The following C12orf56 variants were observed in gnomAD, a reference collection of about 807,000 sequenced individuals.
The protein encoded by C12orf56 is uncharacterized protein C12orf56.
Under a neutral mutation model 69.9 loss-of-function variants are expected in C12orf56, and 71 were observed. The observed-to-expected ratio is 1.02, with a 90% CI of 0.84 to 1.24. The LOEUF is 1.24. Ranked by LOEUF, C12orf56 falls within the 50% of genes most tolerant of loss-of-function variation. The pLI is 0.00. For missense variants in C12orf56, 732 were observed against 738.5 expected (o/e 0.99, Z 0.10); for synonymous variants, 276 against 274.1 (o/e 1.01, Z -0.07).
chr12:64,326,799 T>C (rs1202734348), intron 3 of C12orf56, among the ~76,000 whole-genome samples: 1 of 151,214 alleles, frequency 6.6e-6, no homozygotes, highest in East Asian at 1.9e-4. Context: ...AACCCAAACA[T>C]AAAATTTAGA....
At chr12:64,335,432 A>T (rs1248229574) in intron 2 of C12orf56, among the ~76,000 whole-genome samples, 1 of 151,838 alleles carries the variant, frequency 6.6e-6, no homozygotes, top group Non-Finnish European at 1.5e-5. Context: ...AAAAAAAAAA[A>T]AAAAAAAGAG....
chr12:64,370,607 T>C (rs7302255), intron 1 of C12orf56, among the ~76,000 whole-genome samples: 7,098 of 151,476 alleles, frequency 0.047, 554 homozygotes, highest in African/African-American at 0.16. Flanking sequence ...GCTGAAATTG[T>C]GCCACTGCAT....
chr12:64,308,264 G>A (rs1189077170), intron 5 of C12orf56, among the ~76,000 whole-genome samples: 1 of 152,194 alleles, frequency 6.6e-6, no homozygotes, highest in Non-Finnish European at 1.5e-5. Flanking sequence ...GGAAATTGCA[G>A]TGAGCCAAGA....
intron 1 of C12orf56, among the ~76,000 whole-genome samples, chr12:64,353,832 C>T (rs1376363895): frequency 6.6e-6 from 1 of 152,056 alleles, no homozygotes; most frequent in Admixed American, 6.6e-5. Context: ...CAGGCACCTG[C>T]GATCACGCCC....
chr12:64,361,990 C>G (rs1187998571), intron 1 of C12orf56, among the ~76,000 whole-genome samples: 2 of 152,170 alleles, frequency 1.3e-5, no homozygotes, highest in Non-Finnish European at 2.9e-5. Flanking sequence ...CCTCGGCGTC[C>G]CAAGTGCTGG....
intron 4 of C12orf56, among the ~76,000 whole-genome samples, chr12:64,314,495 T>C (rs2038664410): frequency 6.6e-6 from 1 of 152,230 alleles, no homozygotes; most frequent in Non-Finnish European, 1.5e-5. Context: ...CTTAAACCTT[T>C]AGTGTTGCCA....
At chr12:64,274,245 G>C (rs540522234) in intron 11 of C12orf56, among the ~76,000 whole-genome samples, 14 of 152,320 alleles carry the variant, frequency 9.2e-5, no homozygotes, top group Middle Eastern at 3.4e-3. Context: ...CTGCAGGGAG[G>C]GGGGTGGTGG....
At chr12:64,388,023 G>A (rs1468809234) in intron 1 of C12orf56, among the ~76,000 whole-genome samples, 3 of 151,744 alleles carry the variant, frequency 2.0e-5, no homozygotes, top group African/African-American at 7.3e-5. Flanking sequence ...AGTCTGGAGT[G>A]CAACGGCGCC....
intron 4 of C12orf56, among the ~76,000 whole-genome samples, chr12:64,313,357 TC>T (rs1470228431): frequency 6.6e-6 from 1 of 151,584 alleles, no homozygotes; most frequent in African/African-American, 2.4e-5. Flanking sequence ...TCTCTGTTTT[TC>T]CCTACCCCTT....
At position 64,285,935 on chromosome 12, in the gene C12orf56, T is replaced by C. The variant is rs201766607; in HGVS notation, c.1220+19A>G. 2 of 1,493,624 alleles carry C rather than the reference T, an allele frequency of 1.3e-6. No individual in the cohort carries two copies. The highest frequency in any genetic ancestry group is 2.8e-5 in the African/African-American group (2 of 70,666). 92.5% of individuals were successfully genotyped at this position (1,493,624 alleles called of 1,614,324 possible). A position where few individuals can be genotyped will look rare whatever the true frequency, so the allele number is the denominator to read the frequency against. On this transcript the variant is annotated intron_variant, in intron 7 of 12. Coordinates refer to ENST00000543942, the MANE Select transcript of C12orf56 (RefSeq NM_001170633.2). ...CTAGCAAAAAAAAAAAAATCGATGA[T>C]TATCTAGTTAGTACTTACACCAGCT...
intron 1 of C12orf56, among the ~76,000 whole-genome samples, chr12:64,389,727 C>G (rs1160709595): frequency 2.0e-5 from 3 of 152,178 alleles, no homozygotes; most frequent in Non-Finnish European, 4.4e-5. Flanking sequence ...GAACCCCTGA[C>G]CCCCGGTGAT....
At chr12:64,281,442 C>A (rs1426733292) in intron 8 of C12orf56, among the ~76,000 whole-genome samples, 1 of 151,932 alleles carries the variant, frequency 6.6e-6, no homozygotes, top group Non-Finnish European at 1.5e-5. Flanking sequence ...CGTGGTGGCA[C>A]ACACCTGTAT....
At chr12:64,286,265 G>T (rs1400017886) in intron 6 of C12orf56, among the ~76,000 whole-genome samples, 1 of 152,196 alleles carries the variant, frequency 6.6e-6, no homozygotes, top group Non-Finnish European at 1.5e-5. Context: ...GGTGACCAGA[G>T]CAAGGGCTAG....
chr12:64,272,033 TG>T (rs1385343272), intron 11 of C12orf56, among the ~76,000 whole-genome samples: 1 of 152,160 alleles, frequency 6.6e-6, no homozygotes, highest in African/African-American at 2.4e-5. Context: ...CCAATTCCTT[TG>T]GTGAACCAAC....
intron 1 of C12orf56, among the ~76,000 whole-genome samples, chr12:64,371,145 T>C (rs543100757): frequency 1.3e-5 from 2 of 152,328 alleles, no homozygotes; most frequent in East Asian, 3.9e-4. Flanking sequence ...CTCACAACTG[T>C]AATCCGAGCA....
intron 3 of C12orf56, among the ~76,000 whole-genome samples, chr12:64,322,958 C>T (rs1024255854): frequency 1.3e-5 from 2 of 152,244 alleles, no homozygotes; most frequent in East Asian, 1.9e-4. Context: ...CCTGATTTGT[C>T]GGCTGTGGTG....
At chr12:64,330,261 A>G (rs182824342) in intron 3 of C12orf56, among the ~76,000 whole-genome samples, 1 of 152,332 alleles carries the variant, frequency 6.6e-6, no homozygotes, top group Non-Finnish European at 1.5e-5. Context: ...AATGAAATGT[A>G]AAGTCTTCAT....
intron 1 of C12orf56, among the ~76,000 whole-genome samples, chr12:64,359,821 C>G (rs2039374684): frequency 1.3e-5 from 2 of 152,106 alleles, no homozygotes; most frequent in African/African-American, 4.8e-5. Flanking sequence ...TCAAGCAATT[C>G]TCCCTGCCTC....
intron 1 of C12orf56, among the ~76,000 whole-genome samples, chr12:64,366,931 T>A (rs1265651313): frequency 7.9e-6 from 1 of 127,194 alleles, no homozygotes; most frequent in African/African-American, 3.0e-5. Context: ...GTTTATATAT[T>A]ATATATAACA....
Sources: allele counts gnomAD v4.1 joint callset (sites outside exome capture counted in the v4.1 genomes callset), GRCh38; gene constraint gnomAD v4.1.1; transcripts MANE v1.5; gene names NCBI Gene and HGNC (gene_info 2026-07-23, HGNC 2026-07-21).